BRINP3: variants seen among roughly 807,000 people sequenced by gnomAD.
The protein encoded by BRINP3 is BMP/retinoic acid-inducible neural-specific protein 3.
Under a neutral mutation model 71.0 loss-of-function variants are expected in BRINP3, and 19 were observed. The observed-to-expected ratio is 0.27, with a 90% CI of 0.19 to 0.39. The LOEUF (loss-of-function observed/expected upper bound fraction) is 0.39, where lower values mean the gene tolerates loss of function less well. Among genes scored for constraint, BRINP3 ranks in the 10% least tolerant of loss-of-function variants. The pLI is 1.00. For missense variants in BRINP3, 959 were observed against 940.8 expected, an observed-to-expected ratio of 1.02 and a Z score of -0.25; for synonymous variants, 380 against 337.7, an observed-to-expected ratio of 1.13 and a Z score of -1.37.
intron 4 of BRINP3, among the ~76,000 whole-genome samples, chr1:190,245,202 T>C (rs1208008033): frequency 1.3e-5 from 2 of 151,614 alleles, no homozygotes; most frequent in African/African-American, 4.8e-5. Context: ...GTGGATTTCT[T>C]GTTTCAACTG....
chr1:190,225,113 T>G (rs574428258), intron 6 of BRINP3, among the ~76,000 whole-genome samples: 115 of 152,004 alleles, frequency 7.6e-4, no homozygotes, highest in African/African-American at 2.3e-3. Context: ...ATTATTAATC[T>G]CACTACTGAA....
intron 3 of BRINP3, among the ~76,000 whole-genome samples, chr1:190,275,763 G>A (rs925272254): frequency 7.9e-5 from 12 of 151,474 alleles, no homozygotes; most frequent in Admixed American, 4.6e-4. Context: ...TGGTTGCCAC[G>A]AACACCTTTA....
chr1:190,216,199 T>A (rs971812179), intron 6 of BRINP3, among the ~76,000 whole-genome samples: 7 of 151,804 alleles, frequency 4.6e-5, no homozygotes, highest in African/African-American at 1.7e-4. Context: ...TAAGTTTGAA[T>A]CCTTGATCCA....
At chr1:190,359,541 T>C (rs982966012) in intron 2 of BRINP3, among the ~76,000 whole-genome samples, 2 of 152,064 alleles carry the variant, frequency 1.3e-5, no homozygotes, top group Non-Finnish European at 2.9e-5. Context: ...TGGGATGATC[T>C]CTTGAGCACA....
At chr1:190,358,789 A>C (rs577759064) in intron 2 of BRINP3, among the ~76,000 whole-genome samples, 165 of 152,326 alleles carry the variant, frequency 1.1e-3, no homozygotes, top group African/African-American at 3.0e-3. Flanking sequence ...AGACTGGATT[A>C]AGAAAATGTG....
chr1:190,395,648 T>C (rs1385613840), intron 2 of BRINP3, among the ~76,000 whole-genome samples: 3 of 151,778 alleles, frequency 2.0e-5, no homozygotes, highest in Non-Finnish European at 4.4e-5. Context: ...TCTCTAGAGC[T>C]ATTGATAACT....
chr1:190,220,708 C>T (rs12135128), intron 6 of BRINP3, among the ~76,000 whole-genome samples: 4,761 of 152,080 alleles, frequency 0.031, 109 homozygotes, highest in Non-Finnish European at 0.046. Context: ...GAGAGATAAA[C>T]TATTTCCCAA....
intron 2 of BRINP3, among the ~76,000 whole-genome samples, chr1:190,308,535 T>C (rs1665287667): frequency 6.6e-6 from 1 of 151,742 alleles, no homozygotes; most frequent in African/African-American, 2.4e-5. Flanking sequence ...GTGATATACC[T>C]AATGCTAAAT....
At chr1:190,265,160 G>A in intron 3 of BRINP3, 105 bp from the exon 4 acceptor site, 1 of 1,034,082 alleles carries the variant, frequency 9.7e-7, no homozygotes, top group Admixed American at 3.1e-5. Context: ...TAAAACAAAG[G>A]AGTGATATAT....
In BRINP3 at chr1:190,429,593, CTT is replaced by C. The variant is rs66510191; in HGVS notation, c.236+25060_236+25061del. Among the ~76,000 whole-genome samples, 517 of 138,966 alleles carry C rather than the reference CTT, an allele frequency of 3.7e-3. 1 individual carries two copies. Among genetic ancestry groups the C allele is most frequent in the Middle Eastern group, 0.018 (5 of 274 alleles). The allele number at this position is 138,966 out of a possible 152,430, so 91.2% of individuals were successfully genotyped here. A position where few individuals can be genotyped will look rare whatever the true frequency, so the allele number is the denominator to read the frequency against. Reference sequence around the variant, plus strand: ...ATTTTAATTACATCTTTCTTTCTTCCTTTTTTTTTTTTTTTGTGAAGGAGTCT... The same window carrying C: ...ATTTTAATTACATCTTTCTTTCTTCCTTTTTTTTTTTTTGTGAAGGAGTCT... On this transcript the variant is annotated intron_variant, in intron 2 of 7. Transcript: ENST00000367462.
intron 6 of BRINP3, among the ~76,000 whole-genome samples, chr1:190,204,443 A>G (rs815338): frequency 0.58 from 87,991 of 151,606 alleles, 26,041 homozygotes; most frequent in African/African-American, 0.71. Flanking sequence ...TATATTAAAA[A>G]CTAGATGGAA....
At chr1:190,278,810 G>T (rs942728934) in intron 3 of BRINP3, among the ~76,000 whole-genome samples, 1 of 150,916 alleles carries the variant, frequency 6.6e-6, no homozygotes, top group African/African-American at 2.4e-5. Context: ...GCCATCACTG[G>T]AAGAATCAAC....
At chr1:190,398,220 A>G (rs773830791) in intron 2 of BRINP3, among the ~76,000 whole-genome samples, 1 of 151,922 alleles carries the variant, frequency 6.6e-6, no homozygotes, top group Non-Finnish European at 1.5e-5. Context: ...AGTAAAAAGG[A>G]GTTGTACAAT....
intron 6 of BRINP3, among the ~76,000 whole-genome samples, chr1:190,171,200 T>C (rs1227170655): frequency 2.0e-5 from 3 of 152,154 alleles, no homozygotes; most frequent in African/African-American, 7.2e-5. Flanking sequence ...TCCCTGTTTC[T>C]TTATTGGACA....
chr1:190,401,342 A>AACCAGGC (rs1671906204), intron 2 of BRINP3, among the ~76,000 whole-genome samples: 1 of 148,862 alleles, frequency 6.7e-6, no homozygotes. Context: ...TGGGCAACAG[A>AACCAGGC]ACCAGGCACC....
intron 6 of BRINP3, among the ~76,000 whole-genome samples, chr1:190,203,754 T>A (rs865834908): frequency 0.14 from 155 of 1,102 alleles, 2 homozygotes; most frequent in Middle Eastern, 0.5. Context: ...AAAGAAAATA[T>A]ATATATATAT....
In BRINP3 at chr1:190,465,137, T is replaced by C. The variant is rs553228170; in HGVS notation, c.-50-10197A>G. 2.6e-5 allele frequency among the ~76,000 whole-genome samples: 4 copies of C among 152,042 alleles called. No individual in the cohort carries two copies. In the South Asian group the frequency reaches 8.3e-4, roughly 32 times the overall value. On this transcript the variant is annotated intron_variant, in intron 1 of 7. Coordinates refer to ENST00000367462, the MANE Select transcript of BRINP3 (RefSeq NM_199051.3). ...CCCAAATACAAGAATCACCTAGGTT[T>C]TCTGATAAATATAAAATATCATGGT...
chr1:190,119,387 C>T (rs546250823), intron 7 of BRINP3, among the ~76,000 whole-genome samples: 84 of 152,206 alleles, frequency 5.5e-4, no homozygotes, highest in South Asian at 5.2e-3. Flanking sequence ...AATTATTCTC[C>T]TGCCTCAGCC....
chr1:190,410,668 G>A (rs900035421), intron 2 of BRINP3, among the ~76,000 whole-genome samples: 1 of 152,018 alleles, frequency 6.6e-6, no homozygotes. Flanking sequence ...CGTTTTAGAA[G>A]AAAAACTAAT....
Sources: gnomAD v4.1 joint callset for allele counts (sites outside exome capture counted in the v4.1 genomes callset) on GRCh38, gnomAD v4.1.1 for gene constraint, MANE v1.5 for transcripts, NCBI Gene and HGNC (gene_info 2026-07-23, HGNC 2026-07-21) for gene names.